PRDM12: variants seen among roughly 807,000 people sequenced by gnomAD.
The protein encoded by PRDM12 is PR/SET domain 12, also known as PR domain zinc finger protein 12.
PRDM12 carries 17 observed loss-of-function variants against 29.6 expected under a neutral mutation model. The ratio of observed to expected loss-of-function variants is 0.57; its 90% CI spans 0.39 to 0.86. The LOEUF (loss-of-function observed/expected upper bound fraction) is 0.86, where lower values mean the gene tolerates loss of function less well. Ranked by LOEUF, PRDM12 falls within the 40% of genes least tolerant of loss-of-function variation. PRDM12 has a pLI of 0.00. For synonymous variants in PRDM12, 231 were observed against 225.8 expected (o/e 1.02, Z -0.21); for missense variants, 422 against 510.8 (o/e 0.83, Z 1.68).
chr9:130,664,988 C>A lies in PRDM12; in HGVS notation c.223+112C>A. The A allele has an allele frequency of 1.8e-6, 2 of 1,122,076 alleles. No individual in the cohort carries two copies. The highest frequency in any genetic ancestry group is 1.6e-5 in the South Asian group (1 of 62,672). 69.5% of individuals were successfully genotyped at this position (1,122,076 alleles called of 1,614,324 possible). A position where few individuals can be genotyped will look rare whatever the true frequency, so the allele number is the denominator to read the frequency against. Reference sequence around the variant, plus strand: ...TACCCGGCCTCGCTGCTACTCGCGCCAACCTGGGCTCTCCCGGCGCTCGGT... The same window carrying A: ...TACCCGGCCTCGCTGCTACTCGCGCAAACCTGGGCTCTCCCGGCGCTCGGT... On this transcript the variant is annotated intron_variant, in intron 1 of 4. Transcript: ENST00000253008. The surrounding 1 kb of genome is among the most constrained non-coding windows in gnomAD (Gnocchi z 6.4).
At position 130,668,321 on chromosome 9, in the gene PRDM12, T is replaced by G; in HGVS notation, c.570+8T>G. The G allele has an allele frequency of 7.4e-6, 12 of 1,613,692 alleles. No individual in the cohort carries two copies. Among genetic ancestry groups the G allele is most frequent in the South Asian group, 2.2e-5 (2 of 91,078 alleles). On this transcript the variant is annotated splice_region_variant and intron_variant, in intron 3 of 4. Coordinates refer to ENST00000253008, the MANE Select transcript of PRDM12 (RefSeq NM_021619.3). The surrounding 1 kb of genome is among the most constrained non-coding windows in gnomAD (Gnocchi z 4.0). Reference sequence around the variant, plus strand: ...TTCTACAAGGCCATTGAGGTGTGTGTGTGTGTGTGCACTGTTGTGTAGGGA... The same window carrying G: ...TTCTACAAGGCCATTGAGGTGTGTGGGTGTGTGTGCACTGTTGTGTAGGGA...
In PRDM12 at chr9:130,664,966, C is replaced by T. The variant is rs546494059; in HGVS notation, c.223+90C>T. 3.0e-6 allele frequency: 4 copies of T among 1,316,696 alleles called. No individual in the cohort carries two copies. In the Admixed American group the frequency reaches 9.4e-5, roughly 31 times the overall value. 81.6% of individuals were successfully genotyped at this position (1,316,696 alleles called of 1,614,324 possible). A position where few individuals can be genotyped will look rare whatever the true frequency, so the allele number is the denominator to read the frequency against. On this transcript the variant is annotated intron_variant, in intron 1 of 4. Transcript: ENST00000253008. The surrounding 1 kb of genome is among the most constrained non-coding windows in gnomAD (Gnocchi z 6.4). ...GATGCGCGAGACGCGGCTGGGATAC[C>T]CGGCCTCGCTGCTACTCGCGCCAAC... is the stretch of plus-strand genomic sequence containing the variant.
At chr9:130,676,012 C>T (rs1830838771) in intron 3 of PRDM12, among the ~76,000 whole-genome samples, 4 of 152,280 alleles carry the variant, frequency 2.6e-5, no homozygotes, top group Admixed American at 2.0e-4. Context: ...AGTGACTTGC[C>T]TAAGGTCACA....
chr9:130,681,873 A>AGTGT lies in PRDM12; in HGVS notation c.*204_*205insGTGT. On this transcript the variant is annotated 3_prime_UTR_variant, in exon 5 of 5. Coordinates refer to ENST00000253008, the MANE Select transcript of PRDM12 (RefSeq NM_021619.3). This position sits in a 1 kb window ranked among gnomAD's most constrained non-coding sequence, Gnocchi z 8.1. ...GAGGACACTGAGGGCGGCGTCCCTC[A>AGTGT]CCCAGGCCACGCAGCTGGTGCGGCT... The AGTGT allele has an allele frequency of 3.0e-6, 1 of 337,498 alleles. No homozygotes were observed. The highest frequency in any genetic ancestry group is 4.2e-6 in the Non-Finnish European group (1 of 237,950). 20.9% of individuals were successfully genotyped at this position (337,498 alleles called of 1,614,324 possible).
chr9:130,670,273 C>T (rs1830775953), intron 3 of PRDM12, among the ~76,000 whole-genome samples: 1 of 151,988 alleles, frequency 6.6e-6, no homozygotes, highest in Admixed American at 6.6e-5. Flanking sequence ...CATTTTCTCC[C>T]CAGGACTCAG....
In PRDM12 at chr9:130,664,674, G is replaced by C. The variant is rs1055354189; in HGVS notation, c.21G>C (p.Pro7=). The C allele has an allele frequency of 2.7e-6, 4 of 1,467,640 alleles. No individual in the cohort carries two copies. The African/African-American group carries it at 5.8e-5, about 21-fold the overall frequency. 90.9% of individuals were successfully genotyped at this position (1,467,640 alleles called of 1,614,324 possible). The change falls in exon 1 of 5, where the codon CCG becomes CCC. Residue 7 remains proline, a synonymous_variant. Transcript: ENST00000253008. This position sits in a 1 kb window ranked among gnomAD's most constrained non-coding sequence, Gnocchi z 6.4. ...CGCCCATGATGGGCTCCGTGCTCCC[G>C]GCTGAGGCCCTGGTGCTCAAGACCG... MMGSVL[P]AEALVLKTGL... is the part of the protein sequence containing the mutation.
At chr9:130,680,599 C>A (rs1458982909) in intron 4 of PRDM12, among the ~76,000 whole-genome samples, 1 of 136,754 alleles carries the variant, frequency 7.3e-6, no homozygotes, top group African/African-American at 2.8e-5. Flanking sequence ...GCACTCCAGC[C>A]TGGAGACAGA....
In PRDM12 at chr9:130,681,709, TCCCCGGCACCCCGG is replaced by T; in HGVS notation, c.*46_*59del. On this transcript the variant is annotated 3_prime_UTR_variant, in exon 5 of 5. Coordinates refer to ENST00000253008, the MANE Select transcript of PRDM12 (RefSeq NM_021619.3). The surrounding 1 kb of genome is among the most constrained non-coding windows in gnomAD (Gnocchi z 8.1). ...CCGCCGGGCCCCGCGCGCTCCTGGG[TCCCCGGCACCCCGG>T]CCCCGCAGCGCGACTCGCCCTCCAG... The T allele has an allele frequency of 1.0e-6, 1 of 978,852 alleles. No homozygotes were observed. The highest frequency in any genetic ancestry group is 4.6e-5 in the South Asian group (1 of 21,974). The allele number at this position is 978,852 out of a possible 1,614,324, so 60.6% of individuals were successfully genotyped here.
In PRDM12 at chr9:130,678,570, C is replaced by T; in HGVS notation, c.612C>T (p.Asn204=). The change falls in exon 4 of 5, where the codon AAC becomes AAT. Residue 204 remains asparagine (N), a synonymous_variant. Coordinates refer to ENST00000253008, the MANE Select transcript of PRDM12 (RefSeq NM_021619.3). Reference sequence around the variant, plus strand: ...AGGAACTGCTGGTGTGGTACGGAAACTCACACAACACCTTCCTGGGGATCC... The same window carrying T: ...AGGAACTGCTGGTGTGGTACGGAAATTCACACAACACCTTCCTGGGGATCC... ...PDQELLVWYG[N]SHNTFLGIPG... 1 of 1,613,726 alleles carries T rather than the reference C, an allele frequency of 6.2e-7. No homozygotes were observed. Among genetic ancestry groups the T allele is most frequent in the Non-Finnish European group, 8.5e-7 (1 of 1,179,804 alleles).
intron 3 of PRDM12, among the ~76,000 whole-genome samples, chr9:130,672,004 A>G (rs1424591174): frequency 6.6e-6 from 1 of 152,246 alleles, no homozygotes; most frequent in African/African-American, 2.4e-5. Context: ...TTTAGAGCCC[A>G]GGCGGTCAGT....
rs368399892 is a variant in PRDM12, at chr9:130,668,364, C to T, written c.570+51C>T. 6.2e-5 allele frequency: 99 copies of T among 1,600,482 alleles called. No individual in the cohort carries two copies. The East Asian group carries it at 9.6e-4, about 16-fold the overall frequency. On this transcript the variant is annotated intron_variant, in intron 3 of 4. Transcript: ENST00000253008. The surrounding 1 kb of genome is among the most constrained non-coding windows in gnomAD (Gnocchi z 4.0). Reference sequence around the variant, plus strand: ...TGTAGGGACCAGCCGGTAAACCCGGCGGGGGGAGGTGTGCAGGGCAGCGGT... The same window carrying T: ...TGTAGGGACCAGCCGGTAAACCCGGTGGGGGGAGGTGTGCAGGGCAGCGGT...
Position 130,681,870 on chromosome 9 carries a change from C to A in PRDM12, c.*201C>A. ...GATGAGGACACTGAGGGCGGCGTCC[C>A]TCACCCAGGCCACGCAGCTGGTGCG... On this transcript the variant is annotated 3_prime_UTR_variant, in exon 5 of 5. Coordinates refer to ENST00000253008, the MANE Select transcript of PRDM12 (RefSeq NM_021619.3). This position sits in a 1 kb window ranked among gnomAD's most constrained non-coding sequence, Gnocchi z 8.1. The A allele has an allele frequency of 2.8e-6, 1 of 359,678 alleles. No homozygotes were observed. The highest frequency in any genetic ancestry group is 3.9e-6 in the Non-Finnish European group (1 of 257,950). The allele number at this position is 359,678 out of a possible 1,614,324, so 22.3% of individuals were successfully genotyped here.
At chr9:130,678,493 G>C in intron 3 of PRDM12, 36 bp from the exon 4 acceptor site, 1 of 1,504,172 alleles carries the variant, frequency 6.6e-7, no homozygotes, top group Non-Finnish European at 9.2e-7. Flanking sequence ...TCCCAGCTGC[G>C]GCCTCCCTGA....
intron 3 of PRDM12, among the ~76,000 whole-genome samples, chr9:130,673,222 G>A (rs903494232): frequency 1.3e-5 from 2 of 148,734 alleles, no homozygotes; most frequent in Admixed American, 6.9e-5. Flanking sequence ...TAGAGGGCAC[G>A]GTGGCTGTTC....
intron 4 of PRDM12, among the ~76,000 whole-genome samples, chr9:130,680,381 T>A (rs1056041261): frequency 1.3e-5 from 2 of 151,418 alleles, no homozygotes; most frequent in Admixed American, 1.3e-4. Flanking sequence ...GTGGCTGTAA[T>A]CCCAGCACTT....
chr9:130,680,652 TATATA>T (rs1390077441), intron 4 of PRDM12, among the ~76,000 whole-genome samples: 1 of 85,716 alleles, frequency 1.2e-5, no homozygotes, highest in African/African-American at 5.9e-5. Flanking sequence ...TATATATATA[TATATA>T]TATTTTTTTT....
chr9:130,668,850 AT>A lies in PRDM12; in HGVS notation c.570+538del, dbSNP rs1830759597. 6.6e-6 allele frequency among the ~76,000 whole-genome samples: 1 copy of A among 152,010 alleles called. No individual in the cohort carries two copies. The highest frequency in any genetic ancestry group is 1.5e-5 in the Non-Finnish European group (1 of 68,012). On this transcript the variant is annotated intron_variant, in intron 3 of 4. Transcript: ENST00000253008. This position sits in a 1 kb window ranked among gnomAD's most constrained non-coding sequence, Gnocchi z 4.0. ...TGCTGGATATGCAGTATGGTATTTA[AT>A]CCCCACGGGGCCCCAGGAGGAGGAT...
chr9:130,680,623 TAAAAAAAAA>T (rs753422507), intron 4 of PRDM12, among the ~76,000 whole-genome samples: 1 of 78,976 alleles, frequency 1.3e-5, no homozygotes. Flanking sequence ...AGACTCCGTC[TAAAAAAAAA>T]AAATATATAT....
At chr9:130,680,635 ATAT>A (rs1293298868) in intron 4 of PRDM12, among the ~76,000 whole-genome samples, 10 of 81,964 alleles carry the variant, frequency 1.2e-4, no homozygotes, top group Admixed American at 1.5e-4. Flanking sequence ...AAAAAAAAAA[ATAT>A]ATATATATAT....
Sources: allele counts gnomAD v4.1 joint callset (sites outside exome capture counted in the v4.1 genomes callset), GRCh38; gene constraint gnomAD v4.1.1; non-coding constraint Gnocchi (gnomAD v3.1); transcripts MANE v1.5; gene names NCBI Gene and HGNC (gene_info 2026-07-23, HGNC 2026-07-21).